Variants in TOP1 observed in about 807,000 individuals in gnomAD.
The protein encoded by TOP1 is DNA topoisomerase I, also known as DNA topoisomerase 1.
Under a neutral mutation model 111.1 loss-of-function variants are expected in TOP1, and 10 were observed. The observed-to-expected ratio is 0.09, with a 90% CI of 0.06 to 0.15. The LOEUF (loss-of-function observed/expected upper bound fraction) is 0.15. Among genes scored for constraint, TOP1 ranks in the 10% least tolerant of loss-of-function variants. TOP1 has a pLI of 1.00. For missense variants in TOP1, 474 were observed against 926.7 expected, an observed-to-expected ratio of 0.51 and a Z score of 6.34; for synonymous variants, 271 against 302.9, an observed-to-expected ratio of 0.89 and a Z score of 1.10.
Position 41,109,265 on chromosome 20 carries a change from AATATAT to A in TOP1, c.1309-3510_1309-3505del, listed in dbSNP as rs1049951347. ...GAAAATAAGACACAAGCTCATTAAA[AATATAT>A]ATATATTCTGAGCCTGGCATCTTGG... On this transcript the variant is annotated intron_variant, in intron 13 of 20. Transcript: ENST00000361337. The surrounding 1 kb of genome is among the most constrained non-coding windows in gnomAD (Gnocchi z 4.1). 2.0e-5 allele frequency among the ~76,000 whole-genome samples: 3 copies of A among 152,076 alleles called. No individual in the cohort carries two copies. The highest frequency in any genetic ancestry group is 4.4e-5 in the Non-Finnish European group (3 of 67,988).
Position 41,116,046 on chromosome 20 carries a change from T to C in TOP1, c.1708-232T>C, listed in dbSNP as rs1026923476. 1.3e-5 allele frequency among the ~76,000 whole-genome samples: 2 copies of C among 152,150 alleles called. No individual in the cohort carries two copies. Among genetic ancestry groups the C allele is most frequent in the African/African-American group, 4.8e-5 (2 of 41,420 alleles). On this transcript the variant is annotated intron_variant, in intron 16 of 20. Coordinates refer to ENST00000361337, the MANE Select transcript of TOP1 (RefSeq NM_003286.4). This position sits in a 1 kb window ranked among gnomAD's most constrained non-coding sequence, Gnocchi z 5.6. ...GAGATTGTACCACTGCACTCCAGGCTGGGTGTCAGAGTGAGACCCTGTCAT... is the reference window on the plus strand; with the variant it reads ...GAGATTGTACCACTGCACTCCAGGCCGGGTGTCAGAGTGAGACCCTGTCAT...
chr20:41,078,266 A>G lies in TOP1; in HGVS notation c.335+629A>G, dbSNP rs958641483. Among the ~76,000 whole-genome samples, 2 of 152,186 alleles carry G rather than the reference A, an allele frequency of 1.3e-5. No homozygotes were observed. The highest frequency in any genetic ancestry group is 2.9e-5 in the Non-Finnish European group (2 of 68,032). On this transcript the variant is annotated intron_variant, in intron 5 of 20. Coordinates refer to ENST00000361337, the MANE Select transcript of TOP1 (RefSeq NM_003286.4). This position sits in a 1 kb window ranked among gnomAD's most constrained non-coding sequence, Gnocchi z 5.3. ...TTACCTTTATAATTTTGTTTTCCTC[A>G]GCCTCAATTTCCTAAAATAAGCCCA...
intron 2 of TOP1, among the ~76,000 whole-genome samples, chr20:41,037,969 A>G (rs554692028): frequency 6.6e-6 from 1 of 152,340 alleles, no homozygotes; most frequent in African/African-American, 2.4e-5. Context: ...AGATAAACAT[A>G]TCAGGAAAAA....
At chr20:41,119,335 C>T (rs779678824) in intron 18 of TOP1, among the ~76,000 whole-genome samples, 15 of 152,186 alleles carry the variant, frequency 9.9e-5, no homozygotes, top group Non-Finnish European at 1.9e-4. Flanking sequence ...CAGCTAGAAG[C>T]TGGGTGCAGT....
chr20:41,072,333 A>G, intron 3 of TOP1: 1 of 985,454 alleles, frequency 1.0e-6, no homozygotes, highest in Non-Finnish European at 1.2e-6. Context: ...AACTTTCTGC[A>G]TTGGTCAGAA....
rs536812545 is a variant in TOP1, at chr20:41,098,167, G to A, written c.853-48G>A. ...TGCAAAGAAACCCAAGGACTTATTA[G>A]TGTATTTTCGTTGTTTTTCTTTCAT... On this transcript the variant is annotated intron_variant, in intron 10 of 20. Coordinates refer to ENST00000361337, the MANE Select transcript of TOP1 (RefSeq NM_003286.4). The surrounding 1 kb of genome is among the most constrained non-coding windows in gnomAD (Gnocchi z 5.7). 3.1e-5 allele frequency: 50 copies of A among 1,597,888 alleles called. 2 individuals are homozygous for A. In the South Asian group the frequency reaches 5.5e-4, roughly 18 times the overall value.
chr20:41,049,898 T>A (rs1008370437), intron 2 of TOP1, among the ~76,000 whole-genome samples: 2 of 152,212 alleles, frequency 1.3e-5, no homozygotes, highest in Non-Finnish European at 2.9e-5. Context: ...TCCCATAGTT[T>A]CAATGATGAA....
At chr20:41,054,275 T>C (rs563951374) in intron 2 of TOP1, among the ~76,000 whole-genome samples, 57 of 152,210 alleles carry the variant, frequency 3.7e-4, no homozygotes, top group Middle Eastern at 3.4e-3. Flanking sequence ...TGAGGTCCGA[T>C]GGTTTTATAA....
At position 41,076,256 on chromosome 20, in the gene TOP1, C is replaced by T. The variant is rs61756255; in HGVS notation, c.241C>T (p.His81Tyr). 0.01 allele frequency: 16,304 copies of T among 1,605,198 alleles called. 136 individuals are homozygous for T. The highest frequency in any genetic ancestry group is 0.013 in the Non-Finnish European group (14,941 of 1,172,534). Residue 81 changes from histidine to tyrosine, a missense_variant, in exon 4 of 21, where the codon CAT becomes TAT. Coordinates refer to ENST00000361337, the MANE Select transcript of TOP1 (RefSeq NM_003286.4). ...AAGCTCAGAAAAGCATAAAGACAAA[C>T]ATAAAGACAGAGACAAGGAAAAACG... ...DGSSEKHKDK[H>Y]KDRDKEKRKE...
chr20:41,039,123 A>G (rs1267999461), intron 2 of TOP1, among the ~76,000 whole-genome samples: 1 of 152,238 alleles, frequency 6.6e-6, no homozygotes, highest in African/African-American at 2.4e-5. Context: ...GGAAAAGTTT[A>G]AGTTGCCATA....
chr20:41,060,585 G>T (rs2033532449), intron 2 of TOP1, among the ~76,000 whole-genome samples: 1 of 152,118 alleles, frequency 6.6e-6, no homozygotes, highest in African/African-American at 2.4e-5. Context: ...TTGTAGTGGG[G>T]ATTGCACCTG....
intron 3 of TOP1, among the ~76,000 whole-genome samples, chr20:41,073,816 T>A (rs1417653630): frequency 6.6e-6 from 1 of 152,160 alleles, no homozygotes; most frequent in Non-Finnish European, 1.5e-5. Context: ...GCTTAGAAAG[T>A]AGAATTTTGT....
intron 4 of TOP1, among the ~76,000 whole-genome samples, chr20:41,077,259 T>G (rs193292387): frequency 1.3e-5 from 2 of 152,340 alleles, no homozygotes; most frequent in East Asian, 1.9e-4. Context: ...TGCTTTTGTT[T>G]CCTCTCTGCA....
At chr20:41,084,303 G>A (rs1447741783) in intron 7 of TOP1, among the ~76,000 whole-genome samples, 159 bp from the exon 8 acceptor site, 1 of 152,074 alleles carries the variant, frequency 6.6e-6, no homozygotes, top group Non-Finnish European at 1.5e-5. Context: ...CAGAGCACCA[G>A]TACATTGTTA....
At chr20:41,091,264 A>G (rs1485506753) in intron 8 of TOP1, among the ~76,000 whole-genome samples, 1 of 152,220 alleles carries the variant, frequency 6.6e-6, no homozygotes, top group African/African-American at 2.4e-5. Flanking sequence ...TTAGTTATCT[A>G]TTCGAGTAAA....
At chr20:41,040,484 A>T (rs1363553714) in intron 2 of TOP1, among the ~76,000 whole-genome samples, 1 of 152,154 alleles carries the variant, frequency 6.6e-6, no homozygotes, top group Non-Finnish European at 1.5e-5. Context: ...GAGGAAAGGG[A>T]GGAGAAGGAA....
At position 41,095,916 on chromosome 20, in the gene TOP1, C is replaced by G. The variant is rs1300846025; in HGVS notation, c.731-1304C>G. Reference sequence around the variant, plus strand: ...TGGAAATTGGCACTAAGAGTACTGTCAAAAGCATTTGTTTGAAAAGTGGAT... The same window carrying G: ...TGGAAATTGGCACTAAGAGTACTGTGAAAAGCATTTGTTTGAAAAGTGGAT... On this transcript the variant is annotated intron_variant, in intron 9 of 20. Transcript: ENST00000361337. The surrounding 1 kb of genome is among the most constrained non-coding windows in gnomAD (Gnocchi z 4.6). Among the ~76,000 whole-genome samples, 1 of 152,164 alleles carries G rather than the reference C, an allele frequency of 6.6e-6. No homozygotes were observed. The highest frequency in any genetic ancestry group is 2.4e-5 in the African/African-American group (1 of 41,428).
chr20:41,105,168 G>A (rs2034126352), intron 13 of TOP1, among the ~76,000 whole-genome samples: 1 of 151,834 alleles, frequency 6.6e-6, no homozygotes, highest in African/African-American at 2.4e-5. Context: ...CATATTTTTT[G>A]TATTTTTGCA....
Position 41,098,438 on chromosome 20 carries a change from T to C in TOP1, c.975+101T>C. ...ATGACACAACATTAACATCAGTAATTTCACATCATTCTATGCTAAAGACTT... is the reference window on the plus strand; with the variant it reads ...ATGACACAACATTAACATCAGTAATCTCACATCATTCTATGCTAAAGACTT... On this transcript the variant is annotated intron_variant, in intron 11 of 20. Coordinates refer to ENST00000361337, the MANE Select transcript of TOP1 (RefSeq NM_003286.4). This position sits in a 1 kb window ranked among gnomAD's most constrained non-coding sequence, Gnocchi z 5.7. 1 of 1,273,112 alleles carries C rather than the reference T, an allele frequency of 7.9e-7. No individual in the cohort carries two copies. The highest frequency in any genetic ancestry group is 1.4e-5 in the South Asian group (1 of 70,866). The allele number at this position is 1,273,112 out of a possible 1,614,324, so 78.9% of individuals were successfully genotyped here. A position where few individuals can be genotyped will look rare whatever the true frequency, so the allele number is the denominator to read the frequency against.
Sources: gnomAD v4.1 joint callset for allele counts (sites outside exome capture counted in the v4.1 genomes callset) on GRCh38, gnomAD v4.1.1 for gene constraint, Gnocchi (gnomAD v3.1) non-coding constraint, MANE v1.5 for transcripts, NCBI Gene and HGNC (gene_info 2026-07-23, HGNC 2026-07-21) for gene names.